Variants in CDV3 observed in about 807,000 individuals in gnomAD.
The protein encoded by CDV3 is CDV3 homolog.
CDV3 carries 14 observed loss-of-function variants against 24.5 expected under a neutral mutation model. That is an observed-to-expected ratio of 0.57 (90% confidence interval 0.38 to 0.89). The LOEUF is 0.89. CDV3 is among the 40% of genes least tolerant of loss of function. CDV3 has a pLI of 0.00. For missense variants in CDV3, 304 were observed against 310.2 expected, an observed-to-expected ratio of 0.98 and a Z score of 0.15; for synonymous variants, 114 against 114.1, an observed-to-expected ratio of 1.00 and a Z score of 0.00.
chr3:133,574,310 G>C (rs1418479482), intron 1 of CDV3, 26 bp downstream of exon 1: 1 of 957,850 alleles, frequency 1.0e-6, no homozygotes, highest in Non-Finnish European at 1.2e-6. Flanking sequence ...GCCGGCACTC[G>C]GGGCCCGGGC....
At chr3:133,581,838 C>G (rs534207333) in intron 2 of CDV3, among the ~76,000 whole-genome samples, 1 of 152,340 alleles carries the variant, frequency 6.6e-6, no homozygotes, top group South Asian at 2.1e-4. Flanking sequence ...GACATGAATA[C>G]TACCTCCATG....
chr3:133,576,769 C>T (rs944526975), intron 2 of CDV3, among the ~76,000 whole-genome samples: 3 of 150,386 alleles, frequency 2.0e-5, no homozygotes, highest in Admixed American at 6.6e-5. Flanking sequence ...CATACTTCAC[C>T]CTTGCCAGGG....
chr3:133,581,975 T>G (rs1321838532), intron 2 of CDV3, among the ~76,000 whole-genome samples: 3 of 152,150 alleles, frequency 2.0e-5, no homozygotes, highest in African/African-American at 7.2e-5. Flanking sequence ...TCAGACCTCT[T>G]AGGGATGAAT....
chr3:133,584,686 A>G (rs951250706), intron 3 of CDV3, among the ~76,000 whole-genome samples: 6 of 152,162 alleles, frequency 3.9e-5, no homozygotes, highest in Admixed American at 6.5e-5. Flanking sequence ...TGTCTTTTTC[A>G]TTCCCTATTT....
rs1576663166 is a variant in CDV3, at chr3:133,588,102, A to G, written c.*56A>G. 2.5e-6 allele frequency: 4 copies of G among 1,586,542 alleles called. No homozygotes were observed. The highest frequency in any genetic ancestry group is 2.6e-6 in the Non-Finnish European group (3 of 1,167,070). On this transcript the variant is annotated 3_prime_UTR_variant, in exon 5 of 5. Coordinates refer to ENST00000264993, the MANE Select transcript of CDV3 (RefSeq NM_017548.5). Reference sequence around the variant, plus strand: ...ACTAGACTGCAGCTAACCACCACCAACAGCCATTCATCATCTGATCTCTGC... The same window carrying G: ...ACTAGACTGCAGCTAACCACCACCAGCAGCCATTCATCATCTGATCTCTGC...
rs528554670 is a variant in CDV3 at position 133,589,687 on chromosome 3, G to T, written c.*1641G>T. ...TTTCAGATAGGAGTTTAGTCTTGAC[G>T]AAAGTGTCCGTGCAGGAATTGGACT... On this transcript the variant is annotated 3_prime_UTR_variant, in exon 5 of 5. Transcript: ENST00000264993. 5 of 152,760 alleles carry T rather than the reference G, an allele frequency of 3.3e-5. No homozygotes were observed. Among genetic ancestry groups the T allele is most frequent in the Non-Finnish European group, 5.9e-5 (4 of 68,042 alleles). The allele number at this position is 152,760 out of a possible 1,614,324, so 9.5% of individuals were successfully genotyped here.
intron 2 of CDV3, among the ~76,000 whole-genome samples, chr3:133,577,093 G>T (rs2074844781): frequency 6.6e-6 from 1 of 151,734 alleles, no homozygotes; most frequent in African/African-American, 2.4e-5. Flanking sequence ...TGATCCGCCC[G>T]CCTCAGCCTC....
Position 133,588,692 on chromosome 3 carries a change from A to G in CDV3, c.*646A>G, listed in dbSNP as rs1464150607. On this transcript the variant is annotated 3_prime_UTR_variant, in exon 5 of 5. Transcript: ENST00000264993. ...TTCAGATCATCTGTGTAGGGCTGTG[A>G]TTTGTAATTTAAACTAATTGTATTC... 6.9e-6 allele frequency: 2 copies of G among 289,568 alleles called. No individual in the cohort carries two copies. Among genetic ancestry groups the G allele is most frequent in the Non-Finnish European group, 1.3e-5 (2 of 157,462 alleles). 17.9% of individuals were successfully genotyped at this position (289,568 alleles called of 1,614,324 possible). A position where few individuals can be genotyped will look rare whatever the true frequency, so the allele number is the denominator to read the frequency against.
chr3:133,587,227 G>A, intron 4 of CDV3: 1 of 1,302,078 alleles, frequency 7.7e-7, no homozygotes. Flanking sequence ...CTTACTTTAG[G>A]GACATGAATT....
Position 133,574,256 on chromosome 3 carries a change from C to T in CDV3, c.212C>T (p.Pro71Leu). ...GGTASAGAAGPGAATKAVTKD... is the reference protein window; with the variant it reads ...GGTASAGAAGLGAATKAVTKD... Reference sequence around the variant, plus strand: ...ACCGCCAGCGCGGGGGCTGCGGGCCCAGGGGCCGCCACCAAGGCTGTGACG... The same window carrying T: ...ACCGCCAGCGCGGGGGCTGCGGGCCTAGGGGCCGCCACCAAGGCTGTGACG... The change falls in exon 1 of 5, where the codon CCA becomes CTA. Residue 71 changes from proline to leucine, a missense_variant. Transcript: ENST00000264993. 1.0e-6 allele frequency: 1 copy of T among 989,294 alleles called. No homozygotes were observed. Among genetic ancestry groups the T allele is most frequent in the Non-Finnish European group, 1.2e-6 (1 of 833,174 alleles). 61.3% of individuals were successfully genotyped at this position (989,294 alleles called of 1,614,324 possible).
rs187565189 is a variant in CDV3 at position 133,584,141 on chromosome 3, C to A, written c.457C>A (p.Pro153Thr). The change falls in exon 3 of 5, where the codon CCA (proline) becomes ACA (threonine). Residue 153 changes from proline to threonine, a missense_variant. By Grantham distance (38) the Pro-to-Thr change is conservative. Transcript: ENST00000264993. ...KTAPVQAPPA[P>T]VIVTETPEPA... is the part of the protein sequence containing the mutation. Reference sequence around the variant, plus strand: ...AGCTCCAGTACAAGCACCTCCTGCTCCAGTAATTGGTAATTTTACTATTTC... The same window carrying A: ...AGCTCCAGTACAAGCACCTCCTGCTACAGTAATTGGTAATTTTACTATTTC... The A allele has an allele frequency of 3.1e-6, 5 of 1,591,154 alleles. No individual in the cohort carries two copies. The highest frequency in any genetic ancestry group is 4.3e-6 in the Non-Finnish European group (5 of 1,172,696).
At chr3:133,578,287 G>A (rs148561563) in intron 2 of CDV3, among the ~76,000 whole-genome samples, 1,580 of 152,328 alleles carry the variant, frequency 0.01, 24 homozygotes, top group African/African-American at 0.035. Flanking sequence ...CATCTTTAAA[G>A]TGGATTTTTG....
chr3:133,574,112 AGC>A lies in CDV3; in HGVS notation c.70_71del (p.Arg24GlufsTer36). On this transcript the variant is annotated frameshift_variant, in exon 1 of 5. Coordinates refer to ENST00000264993, the MANE Select transcript of CDV3 (RefSeq NM_017548.5). LOFTEE classifies it high-confidence loss of function. ...AAGAGGGACAAGAAGAAGAAGAAGG[AGC>A]GGAGCAACCGGGCGGCGAGTGCCGC... The A allele has an allele frequency of 1.6e-6, 2 of 1,214,520 alleles. No homozygotes were observed. The highest frequency in any genetic ancestry group is 1.6e-5 in the South Asian group (1 of 63,952). The allele number at this position is 1,214,520 out of a possible 1,614,324, so 75.2% of individuals were successfully genotyped here.
At chr3:133,587,463 A>G in intron 4 of CDV3, 2 of 1,142,478 alleles carry the variant, frequency 1.8e-6, no homozygotes, top group Non-Finnish European at 2.2e-6. Context: ...ACCTGATCTA[A>G]TCAGATCCAC....
intron 2 of CDV3, among the ~76,000 whole-genome samples, chr3:133,579,715 C>T (rs903240637): frequency 6.6e-6 from 1 of 152,128 alleles, no homozygotes; most frequent in Non-Finnish European, 1.5e-5. Flanking sequence ...GCCTCAGCCT[C>T]CCAAGTAGCT....
At chr3:133,580,804 G>A (rs988416223) in intron 2 of CDV3, among the ~76,000 whole-genome samples, 2 of 152,106 alleles carry the variant, frequency 1.3e-5, no homozygotes, top group African/African-American at 4.8e-5. Context: ...GCCTTCCAAA[G>A]TGCTGGGATT....
In CDV3 at chr3:133,589,283, T is replaced by C. The variant is rs1364964965; in HGVS notation, c.*1237T>C. On this transcript the variant is annotated 3_prime_UTR_variant, in exon 5 of 5. Transcript: ENST00000264993. ...TTGGCTGTTCTATAGATGCAGTGAT[T>C]GTCCCAGCTAGCTCTGTTACCAGCC... is the stretch of plus-strand genomic sequence containing the variant. 6.5e-6 allele frequency: 1 copy of C among 152,702 alleles called. No homozygotes were observed. The highest frequency in any genetic ancestry group is 1.9e-4 in the East Asian group (1 of 5,208). 9.5% of individuals were successfully genotyped at this position (152,702 alleles called of 1,614,324 possible).
intron 3 of CDV3, 21 bp downstream of exon 3, chr3:133,584,171 T>C (rs1933350442): frequency 1.9e-6 from 3 of 1,557,532 alleles, no homozygotes. Context: ...TATTTCAGTT[T>C]CAGAAAGATG....
chr3:133,588,499 A>C lies in CDV3; in HGVS notation c.*453A>C. ...CCAGCTCTACTGGATTCTTATCAGA[A>C]ATCCTGCATAAAAAGTCAGCCATCT... On this transcript the variant is annotated 3_prime_UTR_variant, in exon 5 of 5. Coordinates refer to ENST00000264993, the MANE Select transcript of CDV3 (RefSeq NM_017548.5). 1.1e-6 allele frequency: 1 copy of C among 912,242 alleles called. No individual in the cohort carries two copies. The highest frequency in any genetic ancestry group is 2.6e-5 in the East Asian group (1 of 37,852). 56.5% of individuals were successfully genotyped at this position (912,242 alleles called of 1,614,324 possible). A position where few individuals can be genotyped will look rare whatever the true frequency, so the allele number is the denominator to read the frequency against.
Sources: gnomAD v4.1 joint callset for allele counts (sites outside exome capture counted in the v4.1 genomes callset) on GRCh38, gnomAD v4.1.1 for gene constraint, MANE v1.5 for transcripts, NCBI Gene and HGNC (gene_info 2026-07-23, HGNC 2026-07-21) for gene names.